Variants in KRT6C observed in about 807,000 individuals in gnomAD.
KRT6C encodes the protein keratin, type II cytoskeletal 6C.
Under a neutral mutation model 49.4 loss-of-function variants are expected in KRT6C, and 46 were observed. The observed-to-expected ratio is 0.93, with a 90% CI of 0.74 to 1.19. The LOEUF (loss-of-function observed/expected upper bound fraction) is 1.19, where lower values mean the gene tolerates loss of function less well. KRT6C is among the 50% of genes most tolerant of loss of function. KRT6C has a pLI of 0.00. For missense variants in KRT6C, 552 were observed against 737.5 expected (o/e 0.75, Z 2.91); for synonymous variants, 236 against 297.1 (o/e 0.79, Z 2.12).
chr12:52,470,223 A>G, intron 6 of KRT6C: 1 of 599,144 alleles, frequency 1.7e-6, no homozygotes, highest in East Asian at 3.0e-5. Flanking sequence ...TGAGGAATAC[A>G]TCTGGATGCC....
Position 52,471,407 on chromosome 12 carries a change from G to T in KRT6C, c.912+14C>A. ...CCCCATCAGAGTAAACAGAAGGATGGTGGAGATGCTTACTGCATCATACAA... is the reference window on the plus strand; with the variant it reads ...CCCCATCAGAGTAAACAGAAGGATGTTGGAGATGCTTACTGCATCATACAA... On this transcript the variant is annotated intron_variant, in intron 4 of 8. Transcript: ENST00000252250. 6.2e-7 allele frequency: 1 copy of T among 1,613,986 alleles called. No individual in the cohort carries two copies. The highest frequency in any genetic ancestry group is 1.1e-5 in the South Asian group (1 of 91,068).
chr12:52,469,594 A>T, intron 7 of KRT6C, 76 bp downstream of exon 7: 1 of 1,613,388 alleles, frequency 6.2e-7, no homozygotes, highest in Non-Finnish European at 8.5e-7. Context: ...TGAGCAGTGC[A>T]CCCTAGAATT....
rs757447165 is a variant in KRT6C, at chr12:52,472,157, T to A, written c.664A>T (p.Arg222Trp). Residue 222 changes from arginine to tryptophan, a missense_variant, in exon 2 of 9, where the codon AGG becomes TGG. Around this residue, in one of 3 missense-constraint regions of KRT6C, gnomAD observed 425 missense variants for 439.4 expected, o/e 0.97. Transcript: ENST00000252250. ...CCGACGATGCTGTCCAGCTGCCTCC[T>A]GAGGTTGTTGATGTACTGCTCGAAC... is the stretch of plus-strand genomic sequence containing the variant. ...PLFEQYINNL[R>W]RQLDSIVGER... is the part of the protein sequence containing the mutation. The A allele has an allele frequency of 6.6e-7, 1 of 1,514,272 alleles. No homozygotes were observed. Among genetic ancestry groups the A allele is most frequent in the Non-Finnish European group, 9.1e-7 (1 of 1,096,474 alleles). 93.8% of individuals were successfully genotyped at this position (1,514,272 alleles called of 1,614,324 possible).
rs1472778208 is a variant in KRT6C, at chr12:52,470,585, G to T, written c.1123C>A (p.Arg375Ser). ...TCAGCAATCTCCTGCTTGGTGTTGC[G>T]CAGGTCGTCCCCATGTCTGCCTGCT... ...VTAGRHGDDL[R>S]NTKQEIAEIN... Residue 375 changes from arginine to serine, a missense_variant, in exon 6 of 9, where the codon CGC becomes AGC. Arg to Ser is a moderately radical substitution (Grantham distance 110). Around this residue, in one of 3 missense-constraint regions of KRT6C, gnomAD observed 425 missense variants for 439.4 expected, o/e 0.97. Coordinates refer to ENST00000252250, the MANE Select transcript of KRT6C (RefSeq NM_173086.5). The T allele has an allele frequency of 6.2e-6, 10 of 1,613,880 alleles. No individual in the cohort carries two copies. In the African/African-American group the frequency reaches 1.1e-4, roughly 17 times the overall value.
chr12:52,473,758 C>T lies in KRT6C; in HGVS notation c.-21G>A, dbSNP rs746334240. 1.2e-6 allele frequency: 2 copies of T among 1,614,086 alleles called. No individual in the cohort carries two copies. Among genetic ancestry groups the T allele is most frequent in the South Asian group, 2.2e-5 (2 of 91,058 alleles). On this transcript the variant is annotated 5_prime_UTR_variant, in exon 1 of 9. Transcript: ENST00000252250. ...GCCATGGTTCCAGGAGATGAGAGGGCTGTGGCGAGCGTTGGAGGCTGGAGG... is the reference window on the plus strand; with the variant it reads ...GCCATGGTTCCAGGAGATGAGAGGGTTGTGGCGAGCGTTGGAGGCTGGAGG...
Position 52,473,666 on chromosome 12 carries a change from C to A in KRT6C, c.72G>T (p.Arg24Ser). 6.2e-7 allele frequency: 1 copy of A among 1,612,854 alleles called. No homozygotes were observed. Among genetic ancestry groups the A allele is most frequent in the Non-Finnish European group, 8.5e-7 (1 of 1,179,906 alleles). Residue 24 changes from arginine to serine, a missense_variant, in exon 1 of 9, where the codon AGG becomes AGT. Coordinates refer to ENST00000252250, the MANE Select transcript of KRT6C (RefSeq NM_173086.5). Reference sequence around the variant, plus strand: ...AGCCAGAGCGGCTGACCCCAGGGAGCCTGGCTGAGTTGGCACTGAAACCCC... The same window carrying A: ...AGCCAGAGCGGCTGACCCCAGGGAGACTGGCTGAGTTGGCACTGAAACCCC... Reference protein sequence around the residue: ...SRRGFSANSARLPGVSRSGFS... With the variant: ...SRRGFSANSASLPGVSRSGFS...
Position 52,471,497 on chromosome 12 carries a change from A to G in KRT6C, c.836T>C (p.Met279Thr), listed in dbSNP as rs1937883141. The stretch of plus-strand genomic sequence containing the variant: ...CTTGGCTTGCAGTTCAACCTTGTTC[A>G]TGTAGGCAGCATCCACATCCTGGGG... ...TLKKDVDAAY[M>T]NKVELQAKAD... is the part of the protein sequence containing the mutation. Residue 279 changes from methionine (M) to threonine (T), a missense_variant, in exon 4 of 9, where the codon ATG becomes ACG. Met to Thr is a moderately conservative substitution (Grantham distance 81). Coordinates refer to ENST00000252250, the MANE Select transcript of KRT6C (RefSeq NM_173086.5). 13 of 1,613,512 alleles carry G rather than the reference A, an allele frequency of 8.1e-6. No individual in the cohort carries two copies. The highest frequency in any genetic ancestry group is 1.1e-5 in the Non-Finnish European group (13 of 1,179,810).
At chr12:52,469,388 G>A (rs368459937) in intron 8 of KRT6C, 23 bp downstream of exon 8, 33 of 1,614,048 alleles carry the variant, frequency 2.0e-5, no homozygotes, top group Middle Eastern at 3.3e-4. Context: ...GGGCAGGGGA[G>A]GAAGGCAAGC....
rs375377584 is a variant in KRT6C at position 52,472,242 on chromosome 12, G to C, written c.579C>G (p.Thr193=). 4 of 1,446,776 alleles carry C rather than the reference G, an allele frequency of 2.8e-6. No homozygotes were observed. In the African/African-American group the frequency reaches 5.4e-5, roughly 20 times the overall value. The allele number at this position is 1,446,776 out of a possible 1,614,324, so 89.6% of individuals were successfully genotyped here. A position where few individuals can be genotyped will look rare whatever the true frequency, so the allele number is the denominator to read the frequency against. Residue 193 remains threonine, a synonymous_variant, in exon 2 of 9, where the codon ACC becomes ACG. Transcript: ENST00000252250. ...CCTGCTCCTGCAGCAGGGTCCACTT[G>C]GTGTCCAGAACCTTGTTCTGCTGCT... ...FLEQQNKVLD[T]KWTLLQEQGT... is the part of the protein sequence containing the mutation.
rs746636847 is a variant in KRT6C, at chr12:52,472,320, A to T, written c.541-40T>A. The T allele has an allele frequency of 1.0e-5, 14 of 1,390,684 alleles. 2 individuals carry two copies. Among genetic ancestry groups the T allele is most frequent in the African/African-American group, 1.4e-5 (1 of 73,958 alleles). The allele number at this position is 1,390,684 out of a possible 1,614,324, so 86.1% of individuals were successfully genotyped here. ...AGATGGTCATTTTCCAGGCAAAGGAAGGAAGAAAAAGTGTCTGGTATCCAG... is the reference window on the plus strand; with the variant it reads ...AGATGGTCATTTTCCAGGCAAAGGATGGAAGAAAAAGTGTCTGGTATCCAG... On this transcript the variant is annotated intron_variant, in intron 1 of 8. Transcript: ENST00000252250.
At chr12:52,471,899 A>C (rs1328087738) in intron 2 of KRT6C, among the ~76,000 whole-genome samples, 167 bp from the exon 3 acceptor site, 1 of 149,770 alleles carries the variant, frequency 6.7e-6, no homozygotes, top group Non-Finnish European at 1.5e-5. Flanking sequence ...CCACTTCTTT[A>C]ATCCCCCCAT....
intron 6 of KRT6C, 23 bp from the exon 7 acceptor site, chr12:52,469,913 G>A (rs374267231): frequency 6.2e-7 from 1 of 1,613,644 alleles, no homozygotes; most frequent in Non-Finnish European, 8.5e-7. Context: ...AGGAAGAGAA[G>A]GAACTTCTTG....
intron 1 of KRT6C, 33 bp from the exon 2 acceptor site, chr12:52,472,313 C>T (rs538083857): frequency 7.1e-7 from 1 of 1,399,508 alleles, no homozygotes; most frequent in Non-Finnish European, 9.9e-7. Flanking sequence ...ATTTTCCAGG[C>T]AAAGGAAGGA....
chr12:52,469,003 C>T lies in KRT6C; in HGVS notation c.*59G>A, dbSNP rs759071269. 1.0e-4 allele frequency: 163 copies of T among 1,608,996 alleles called. No homozygotes were observed. Among genetic ancestry groups the T allele is most frequent in the Admixed American group, 6.5e-4 (39 of 59,930 alleles). On this transcript the variant is annotated 3_prime_UTR_variant, in exon 9 of 9. Transcript: ENST00000252250. Reference sequence around the variant, plus strand: ...GGAGAGGATAGGCAACCTGAGGAGACGGCTCTGCAGCCAGAGAAGGGCCTG... The same window carrying T: ...GGAGAGGATAGGCAACCTGAGGAGATGGCTCTGCAGCCAGAGAAGGGCCTG...
At chr12:52,470,461 T>C in intron 6 of KRT6C, 44 bp downstream of exon 6, 1 of 1,614,074 alleles carries the variant, frequency 6.2e-7, no homozygotes, top group Non-Finnish European at 8.5e-7. Flanking sequence ...CTGATGGGTC[T>C]AGCAAAAAAT....
At chr12:52,470,984 C>A (rs115987841) in intron 5 of KRT6C, 148 bp downstream of exon 5, 13 of 1,427,290 alleles carry the variant, frequency 9.1e-6, no homozygotes, top group Admixed American at 3.4e-5. Flanking sequence ...CATAAGTTCC[C>A]CAAATGTCTA....
At chr12:52,469,930 C>G in intron 6 of KRT6C, 40 bp from the exon 7 acceptor site, 1 of 1,611,696 alleles carries the variant, frequency 6.2e-7, no homozygotes, top group Non-Finnish European at 8.5e-7. Flanking sequence ...CTTGTCTGCT[C>G]CTCCGGAGGA....
chr12:52,473,640 A>C lies in KRT6C; in HGVS notation c.98T>G (p.Phe33Cys). Reference protein sequence around the residue: ...ARLPGVSRSGFSSISVSRSRG... With the variant: ...ARLPGVSRSGCSSISVSRSRG... ...GGAGCGGGACACGGAGATGCTGCTG[A>C]AGCCAGAGCGGCTGACCCCAGGGAG... The change falls in exon 1 of 9, where the codon TTC becomes TGC. Residue 33 changes from phenylalanine (F) to cysteine (C), a missense_variant. Transcript: ENST00000252250. 1 of 1,611,776 alleles carries C rather than the reference A, an allele frequency of 6.2e-7. No individual in the cohort carries two copies. Among genetic ancestry groups the C allele is most frequent in the African/African-American group, 1.3e-5 (1 of 74,574 alleles).
In KRT6C at chr12:52,473,247, C is replaced by T. The variant is rs780622873; in HGVS notation, c.491G>A (p.Arg164His). The T allele has an allele frequency of 7.0e-6, 11 of 1,576,048 alleles. No homozygotes were observed. The highest frequency in any genetic ancestry group is 4.4e-5 in the South Asian group (4 of 90,050). ...PAIQRVRAEE[R>H]EQIKTLNNKF... is the part of the protein sequence containing the mutation. ...GTTGTTGAGGGTCTTGATCTGCTCA[C>T]GCTCCTCGGCCCGCACCCGCTGGAT... Residue 164 changes from arginine to histidine, a missense_variant, in exon 1 of 9, where the codon CGT (arginine) becomes CAT (histidine). Arg to His is a conservative substitution (Grantham distance 29, BLOSUM62 0). Coordinates refer to ENST00000252250, the MANE Select transcript of KRT6C (RefSeq NM_173086.5).
Sources: gnomAD v4.1 joint callset for allele counts (sites outside exome capture counted in the v4.1 genomes callset) on GRCh38, gnomAD v4.1.1 for gene constraint, gnomAD v4.1.1 regional missense constraint, MANE v1.5 for transcripts, NCBI Gene and HGNC (gene_info 2026-07-23, HGNC 2026-07-21) for gene names.